The following SEMA3A variants were observed in gnomAD, a reference collection of about 807,000 sequenced individuals.
SEMA3A encodes the protein semaphorin-3A.
SEMA3A carries 29 observed loss-of-function variants against 97.9 expected under a neutral mutation model. The ratio of observed to expected loss-of-function variants is 0.30; its 90% CI spans 0.22 to 0.40. The LOEUF is 0.40. Among genes scored for constraint, SEMA3A ranks in the 10% least tolerant of loss-of-function variants. SEMA3A has a pLI of 1.00. For missense variants in SEMA3A, 763 were observed against 951.3 expected (o/e 0.80, Z 2.60); for synonymous variants, 321 against 323.7 (o/e 0.99, Z 0.09).
At chr7:84,471,928 T>A (rs1435180936) in intron 1 of SEMA3A, among the ~76,000 whole-genome samples, 1 of 148,778 alleles carries the variant, frequency 6.7e-6, no homozygotes, top group Non-Finnish European at 1.5e-5. Context: ...ACTTTCAGGT[T>A]TTTTTTTTTC....
At chr7:84,422,131 G>C (rs2116282082) in intron 1 of SEMA3A, among the ~76,000 whole-genome samples, 1 of 152,104 alleles carries the variant, frequency 6.6e-6, no homozygotes, top group South Asian at 2.1e-4. Flanking sequence ...ATTCGGCTGT[G>C]AATCCGTCTG....
At chr7:84,143,012 T>C (rs1322361214) in intron 1 of SEMA3A, among the ~76,000 whole-genome samples, 1 of 152,146 alleles carries the variant, frequency 6.6e-6, no homozygotes, top group Non-Finnish European at 1.5e-5. Context: ...ATCGCTACAG[T>C]TTTGCTTAAC....
At chr7:84,081,777 T>C (rs955508244) in intron 4 of SEMA3A, among the ~76,000 whole-genome samples, 19 of 152,046 alleles carry the variant, frequency 1.2e-4, no homozygotes, top group African/African-American at 4.1e-4. Context: ...CATATGTACA[T>C]ACAAGTGTAT....
intron 2 of SEMA3A, among the ~76,000 whole-genome samples, chr7:84,313,369 T>C (rs1027036760): frequency 3.5e-5 from 1 of 28,246 alleles, no homozygotes; most frequent in African/African-American, 7.2e-5. Flanking sequence ...TATATATATA[T>C]ATATATATAT....
At chr7:84,094,833 T>G (rs544482189) in intron 4 of SEMA3A, among the ~76,000 whole-genome samples, 72 of 152,174 alleles carry the variant, frequency 4.7e-4, no homozygotes, top group African/African-American at 1.7e-3. Flanking sequence ...CCCAGGTAAA[T>G]ACATCTGTAT....
intron 2 of SEMA3A, among the ~76,000 whole-genome samples, chr7:84,310,858 G>A (rs1029067417): frequency 6.6e-5 from 10 of 151,600 alleles, no homozygotes; most frequent in South Asian, 4.2e-4. Flanking sequence ...CATCCATCTC[G>A]CCTTCCATTT....
intron 4 of SEMA3A, among the ~76,000 whole-genome samples, chr7:84,088,210 C>T (rs1334156086): frequency 1.3e-5 from 2 of 152,116 alleles, no homozygotes; most frequent in Non-Finnish European, 2.9e-5. Flanking sequence ...AATCCCAGCA[C>T]TTTGGGAGGC....
intron 15 of SEMA3A, among the ~76,000 whole-genome samples, chr7:83,968,935 A>C (rs185145921): frequency 0.026 from 3,906 of 148,768 alleles, 100 homozygotes; most frequent in Middle Eastern, 0.054. Flanking sequence ...CTCAGCCTCC[A>C]GAGTAGCTGG....
At chr7:84,228,282 T>C (rs1045823851) in intron 3 of SEMA3A, among the ~76,000 whole-genome samples, 2 of 151,964 alleles carry the variant, frequency 1.3e-5, no homozygotes, top group African/African-American at 4.8e-5. Context: ...GAATCAAAAT[T>C]AGTGGGACCT....
chr7:84,309,584 C>T (rs572259262), intron 2 of SEMA3A, among the ~76,000 whole-genome samples: 16 of 152,204 alleles, frequency 1.1e-4, no homozygotes, highest in Non-Finnish European at 2.4e-4. Flanking sequence ...ATGGGTCAGC[C>T]TTTCTCCCTT....
chr7:84,393,227 G>T (rs1803632703), intron 1 of SEMA3A, among the ~76,000 whole-genome samples: 1 of 152,072 alleles, frequency 6.6e-6, no homozygotes, highest in Admixed American at 6.6e-5. Flanking sequence ...TGTGTATATG[G>T]TGTGAGATAA....
chr7:84,107,774 A>C (rs1213214077), intron 4 of SEMA3A, among the ~76,000 whole-genome samples: 1 of 152,166 alleles, frequency 6.6e-6, no homozygotes, highest in Non-Finnish European at 1.5e-5. Flanking sequence ...TTCAAAAATC[A>C]ACATTTCAGG....
intron 4 of SEMA3A, among the ~76,000 whole-genome samples, chr7:84,065,461 A>T (rs1268971376): frequency 6.6e-6 from 1 of 151,652 alleles, no homozygotes; most frequent in East Asian, 1.9e-4. Flanking sequence ...AAACCCTTCC[A>T]AAAATTAATG....
At chr7:84,082,024 C>G (rs1794181565) in intron 4 of SEMA3A, among the ~76,000 whole-genome samples, 1 of 152,122 alleles carries the variant, frequency 6.6e-6, no homozygotes, top group South Asian at 2.1e-4. Context: ...CTCCTCCTTA[C>G]TTTTATTTTT....
chr7:84,436,931 G>A (rs561633555), intron 1 of SEMA3A, among the ~76,000 whole-genome samples: 5 of 151,898 alleles, frequency 3.3e-5, no homozygotes, highest in Admixed American at 2.0e-4. Context: ...TACTTTTTTC[G>A]TGAAAAGTGT....
At chr7:83,995,378 T>A (rs528100988) in intron 12 of SEMA3A, among the ~76,000 whole-genome samples, 1 of 152,180 alleles carries the variant, frequency 6.6e-6, no homozygotes, top group African/African-American at 2.4e-5. Flanking sequence ...TGGTGAAACA[T>A]AAAAGAAACC....
chr7:84,399,471 C>T lies in SEMA3A; in HGVS notation c.-245-27571G>A, dbSNP rs934884199. 3.3e-5 allele frequency among the ~76,000 whole-genome samples: 5 copies of T among 152,206 alleles called. 1 individual carries two copies. The highest frequency in any genetic ancestry group is 3.9e-4 in the East Asian group (2 of 5,162). ...TGCAGTGGCCATGGGAGAGCCTATG[C>T]CACCCCTCCCCCAATGCCAGACAGT... On this transcript the variant is annotated intron_variant, in intron 1 of 3. Transcript: ENST00000424555.
intron 1 of SEMA3A, among the ~76,000 whole-genome samples, chr7:84,402,803 T>C (rs866337348): frequency 6.6e-6 from 1 of 152,150 alleles, no homozygotes; most frequent in Non-Finnish European, 1.5e-5. Flanking sequence ...TTAAGTGAAA[T>C]AGACAAGGTA....
intron 6 of SEMA3A, among the ~76,000 whole-genome samples, chr7:84,028,597 G>A (rs1791627449): frequency 1.3e-5 from 2 of 151,774 alleles, no homozygotes; most frequent in Admixed American, 6.6e-5. Flanking sequence ...AATAAAGTTT[G>A]TTTGTTTAAT....
Sources: allele counts gnomAD v4.1 joint callset (sites outside exome capture counted in the v4.1 genomes callset), GRCh38; gene constraint gnomAD v4.1.1; transcripts MANE v1.5; gene names NCBI Gene and HGNC (gene_info 2026-07-23, HGNC 2026-07-21).